The following MAST2 variants were observed in gnomAD, a reference collection of about 807,000 sequenced individuals.
MAST2 encodes microtubule-associated serine/threonine-protein kinase 2.
In MAST2, 70 loss-of-function variants were observed where a neutral mutation model predicts 147.4. That is an observed-to-expected ratio of 0.47 (90% CI 0.39 to 0.58). The LOEUF (loss-of-function observed/expected upper bound fraction) is 0.58. Ranked by LOEUF, MAST2 falls within the 20% of genes least tolerant of loss-of-function variation. The pLI, the probability that MAST2 is intolerant of heterozygous loss-of-function variation, is 0.00. For synonymous variants in MAST2, 869 were observed against 896.8 expected, an observed-to-expected ratio of 0.97 and a Z score of 0.55; for missense variants, 2,080 against 2,302.3, an observed-to-expected ratio of 0.90 and a Z score of 1.98.
chr1:45,997,846 G>T (rs371213055), intron 6 of MAST2, 47 bp downstream of exon 6: 4 of 1,460,694 alleles, frequency 2.7e-6, no homozygotes, highest in Non-Finnish European at 3.8e-6. Flanking sequence ...TGTGGCACTT[G>T]CATGAGGGTT....
chr1:45,856,208 C>T (rs1392213802), intron 3 of MAST2, among the ~76,000 whole-genome samples: 3 of 152,148 alleles, frequency 2.0e-5, no homozygotes, highest in African/African-American at 7.2e-5. Flanking sequence ...CATCCGTAAT[C>T]CAATGCTTTG....
At position 46,029,886 on chromosome 1, in the gene MAST2, A is replaced by G. The variant is rs1646569758; in HGVS notation, c.2376A>G (p.Gly792=). The change falls in exon 20 of 29, where the codon GGA becomes GGG. Residue 792 remains glycine, a synonymous_variant. Transcript: ENST00000361297. ...TCTTTACTGGTCTGGACTGGACAGGACTTCTCCGCCAGAAGGCTGAATTTA... is the reference window on the plus strand; with the variant it reads ...TCTTTACTGGTCTGGACTGGACAGGGCTTCTCCGCCAGAAGGCTGAATTTA... The part of the protein sequence containing the change: ...HPFFTGLDWT[G]LLRQKAEFIP... 6.2e-7 allele frequency: 1 copy of G among 1,614,196 alleles called. No homozygotes were observed. Among genetic ancestry groups the G allele is most frequent in the Non-Finnish European group, 8.5e-7 (1 of 1,180,028 alleles).
At chr1:45,877,362 G>T (rs1205392619) in intron 3 of MAST2, among the ~76,000 whole-genome samples, 2 of 152,102 alleles carry the variant, frequency 1.3e-5, no homozygotes, top group African/African-American at 4.8e-5. Flanking sequence ...GAGTAGCTGG[G>T]ACTACAGGTG....
intron 10 of MAST2, among the ~76,000 whole-genome samples, chr1:46,011,283 T>C (rs1445151780): frequency 2.0e-5 from 3 of 152,234 alleles, no homozygotes; most frequent in Non-Finnish European, 4.4e-5. Context: ...TGTGACGGGC[T>C]TTCTTCTACT....
At chr1:45,834,530 C>T (rs1462843715) in intron 3 of MAST2, among the ~76,000 whole-genome samples, 4 of 151,976 alleles carry the variant, frequency 2.6e-5, no homozygotes, top group Non-Finnish European at 4.4e-5. Flanking sequence ...TAAAACAGAT[C>T]GTAGAATCAT....
chr1:45,835,549 T>C (rs571442989), intron 3 of MAST2, among the ~76,000 whole-genome samples: 2 of 152,326 alleles, frequency 1.3e-5, no homozygotes, highest in South Asian at 4.1e-4. Flanking sequence ...GTTCTCATGT[T>C]GAATATGATG....
intron 4 of MAST2, among the ~76,000 whole-genome samples, chr1:45,952,347 A>C (rs1475812794): frequency 2.0e-5 from 3 of 152,192 alleles, no homozygotes; most frequent in Admixed American, 2.0e-4. Flanking sequence ...GAATCCATAG[A>C]GACAGTACGT....
intron 5 of MAST2, among the ~76,000 whole-genome samples, chr1:45,962,826 G>C (rs1660627524): frequency 6.6e-6 from 1 of 151,862 alleles, no homozygotes; most frequent in African/African-American, 2.4e-5. Flanking sequence ...TTTTAGACAT[G>C]AAGTCCTTGC....
At chr1:45,810,294 A>T (rs1187988621) in intron 1 of MAST2, among the ~76,000 whole-genome samples, 8 of 151,898 alleles carry the variant, frequency 5.3e-5, no homozygotes, top group Admixed American at 4.6e-4. Context: ...CAGAAATTTT[A>T]AAAAATTATT....
At chr1:45,828,998 A>G (rs1644875018) in intron 2 of MAST2, among the ~76,000 whole-genome samples, 1 of 152,088 alleles carries the variant, frequency 6.6e-6, no homozygotes, top group African/African-American at 2.4e-5. Flanking sequence ...ACTCTCTTTC[A>G]TTGAGATTAA....
intron 4 of MAST2, among the ~76,000 whole-genome samples, chr1:45,902,253 G>GT (rs1365605439): frequency 1.3e-5 from 2 of 152,086 alleles, no homozygotes; most frequent in African/African-American, 4.8e-5. Context: ...TATGGTTTTT[G>GT]TTTTTTATTC....
At position 46,005,362 on chromosome 1, in the gene MAST2, CA is replaced by C. The variant is rs35830016; in HGVS notation, c.748-863del. On this transcript the variant is annotated intron_variant, in intron 7 of 28. Transcript: ENST00000361297. ...GGGCAACAAGAGCGAAACTCTGTCT[CA>C]AAAAAAAAAAAAAAACCCCAGATCA... is the stretch of plus-strand genomic sequence containing the variant. Among the ~76,000 whole-genome samples the C allele has an allele frequency of 5.1e-3, 511 of 101,106 alleles. 2 individuals are homozygous for C. Among genetic ancestry groups the C allele is most frequent in the African/African-American group, 0.012 (329 of 27,640 alleles). The allele number at this position is 101,106 out of a possible 152,430, so 66.3% of individuals were successfully genotyped here.
chr1:45,849,227 A>G (rs1645542913), intron 3 of MAST2, among the ~76,000 whole-genome samples: 1 of 152,160 alleles, frequency 6.6e-6, no homozygotes, highest in Non-Finnish European at 1.5e-5. Flanking sequence ...AACTAGAAAA[A>G]ACGATTTTAA....
chr1:45,934,926 G>A (rs6688097), intron 4 of MAST2, among the ~76,000 whole-genome samples: 152,210 of 152,362 alleles, frequency 1, 76,031 homozygotes, highest in Non-Finnish European at 1. Flanking sequence ...CAATGATGGG[G>A]TTGCTGGGTT....
Position 46,035,670 on chromosome 1 carries a change from G to T in MAST2, c.5001G>T (p.Arg1667Ser). The part of the protein sequence containing the change: ...SWKSLIEGPD[R>S]ASPSRKATMA... ...AATCCCTTATTGAGGGCCCAGACAG[G>T]GCATCCCCAAGCAGAAAGGCAACCA... The change falls in exon 29 of 29, where the codon AGG (arginine) becomes AGT (serine). Residue 1667 changes from arginine (R) to serine (S), a missense_variant. Around this residue, in one of 4 missense-constraint regions of MAST2, gnomAD observed 1,278 missense variants for 1,304.2 expected, o/e 0.98. Transcript: ENST00000361297. This position sits in a 1 kb window ranked among gnomAD's most constrained non-coding sequence, Gnocchi z 5.5. 1 of 1,613,934 alleles carries T rather than the reference G, an allele frequency of 6.2e-7. No individual in the cohort carries two copies. The highest frequency in any genetic ancestry group is 8.5e-7 in the Non-Finnish European group (1 of 1,180,018).
At chr1:45,930,380 GTTTTTTGTT>G (rs1655082291) in intron 4 of MAST2, among the ~76,000 whole-genome samples, 1 of 79,104 alleles carries the variant, frequency 1.3e-5, no homozygotes, top group African/African-American at 4.3e-5. Context: ...CGCCTGGCCT[GTTTTTTGTT>G]TTTTTTGTTT....
At chr1:45,887,630 C>T (rs1647153065) in intron 4 of MAST2, among the ~76,000 whole-genome samples, 1 of 152,100 alleles carries the variant, frequency 6.6e-6, no homozygotes, top group Non-Finnish European at 1.5e-5. Context: ...ATGTACTTTC[C>T]CATTCTGATG....
chr1:46,023,955 G>T lies in MAST2; in HGVS notation c.1755G>T (p.Leu585Phe). The T allele has an allele frequency of 1.2e-6, 2 of 1,614,234 alleles. No individual in the cohort carries two copies. Among genetic ancestry groups the T allele is most frequent in the Non-Finnish European group, 1.7e-6 (2 of 1,180,040 alleles). ...GCTCCTTTGATACCAAGCGCCACTT[G>T]TGCATGGTGATGGAGTACGTTGAAG... ...MFCSFDTKRHLCMVMEYVEGG... is the reference protein window; with the variant it reads ...MFCSFDTKRHFCMVMEYVEGG... The change falls in exon 15 of 29, where the codon TTG becomes TTT. Residue 585 changes from leucine (L) to phenylalanine (F), a missense_variant. Around this residue, in one of 4 missense-constraint regions of MAST2, gnomAD observed 209 missense variants for 309.5 expected, o/e 0.68. Coordinates refer to ENST00000361297, the MANE Select transcript of MAST2 (RefSeq NM_015112.3). The surrounding 1 kb of genome is among the most constrained non-coding windows in gnomAD (Gnocchi z 4.9).
Position 46,023,357 on chromosome 1 carries a change from G to A in MAST2, c.1571+39G>A, listed in dbSNP as rs374429978. On this transcript the variant is annotated intron_variant, in intron 14 of 28. Coordinates refer to ENST00000361297, the MANE Select transcript of MAST2 (RefSeq NM_015112.3). This position sits in a 1 kb window ranked among gnomAD's most constrained non-coding sequence, Gnocchi z 4.9. ...TCAGGGTGTGGCCAGGACTGAAGCC[G>A]GGTCAGCCTTTGATCTCTTCCATGT... The A allele has an allele frequency of 3.5e-4, 557 of 1,577,404 alleles. No homozygotes were observed. The highest frequency in any genetic ancestry group is 4.6e-4 in the Non-Finnish European group (525 of 1,147,522).
Sources: allele counts gnomAD v4.1 joint callset (sites outside exome capture counted in the v4.1 genomes callset), GRCh38; gene constraint gnomAD v4.1.1; regional missense constraint gnomAD v4.1.1; non-coding constraint Gnocchi (gnomAD v3.1); transcripts MANE v1.5; gene names NCBI Gene and HGNC (gene_info 2026-07-23, HGNC 2026-07-21).